Variants in GLIS3 observed in about 807,000 individuals in gnomAD.
The protein encoded by GLIS3 is zinc finger protein GLIS3.
Under a neutral mutation model 78.6 loss-of-function variants are expected in GLIS3, and 53 were observed. That is an observed-to-expected ratio of 0.67 (90% CI 0.54 to 0.85). The LOEUF is 0.85. GLIS3 is among the 40% of genes least tolerant of loss of function. GLIS3 has a pLI of 0.00. For synonymous variants in GLIS3, 684 were observed against 509.9 expected, an observed-to-expected ratio of 1.34 and a Z score of -4.60; for missense variants, 1,703 against 1,231.1, an observed-to-expected ratio of 1.38 and a Z score of -5.74.
chr9:4,375,335 G>A, the GLIS3 span, among the ~76,000 whole-genome samples: 3 of 152,176 alleles, frequency 2.0e-5, no homozygotes, highest in Non-Finnish European at 4.4e-5. Context: ...CTTTTTTCAG[G>A]TTGAGAGTGT....
At chr9:3,864,266 A>G (rs2130325527) in intron 8 of GLIS3, among the ~76,000 whole-genome samples, 1 of 152,362 alleles carries the variant, frequency 6.6e-6, no homozygotes, top group South Asian at 2.1e-4. Context: ...ATGGTGTCAG[A>G]CATAGCGTTC....
chr9:4,418,284 G>A, the GLIS3 span, among the ~76,000 whole-genome samples: 2,693 of 152,216 alleles, frequency 0.018, 87 homozygotes, highest in African/African-American at 0.062. Context: ...AAGAGACTGG[G>A]CTTTAACTAT....
At chr9:3,974,526 T>A (rs1387356126) in intron 4 of GLIS3, among the ~76,000 whole-genome samples, 1 of 152,188 alleles carries the variant, frequency 6.6e-6, no homozygotes, top group Non-Finnish European at 1.5e-5. Flanking sequence ...ACTATCCCAA[T>A]GACAGACATA....
intron 2 of GLIS3, among the ~76,000 whole-genome samples, chr9:4,275,070 A>C (rs1266049739): frequency 6.6e-6 from 1 of 152,220 alleles, no homozygotes. Flanking sequence ...CAGAAGTAGC[A>C]AATCTATTCA....
chr9:4,186,365 A>G (rs1276167021), intron 2 of GLIS3, among the ~76,000 whole-genome samples: 8 of 152,042 alleles, frequency 5.3e-5, no homozygotes, highest in South Asian at 4.2e-4. Flanking sequence ...TCCATGGTGT[A>G]TATGTGCCAC....
chr9:4,268,053 GCACA>G (rs376710564), intron 2 of GLIS3, among the ~76,000 whole-genome samples: 5 of 151,116 alleles, frequency 3.3e-5, no homozygotes, highest in Admixed American at 6.6e-5. Flanking sequence ...GCGTGCGTGC[GCACA>G]CACACACACA....
chr9:4,112,799 A>C (rs143372422), intron 4 of GLIS3, among the ~76,000 whole-genome samples: 2,435 of 152,334 alleles, frequency 0.016, 68 homozygotes, highest in African/African-American at 0.052. Context: ...AATAGGCAGT[A>C]AAGTATACCA....
At chr9:4,066,826 C>A (rs1045784717) in intron 4 of GLIS3, among the ~76,000 whole-genome samples, 5 of 152,328 alleles carry the variant, frequency 3.3e-5, no homozygotes, top group African/African-American at 1.2e-4. Flanking sequence ...TGCACTGCTG[C>A]AGCAGCATGT....
At chr9:4,339,553 A>G (rs954254409) in intron 2 of GLIS3, among the ~76,000 whole-genome samples, 1 of 151,114 alleles carries the variant, frequency 6.6e-6, no homozygotes, top group Non-Finnish European at 1.5e-5. Context: ...TGCTAACCGG[A>G]AAGAACCTCT....
At chr9:4,384,621 T>C in the GLIS3 span, among the ~76,000 whole-genome samples, 1 of 151,710 alleles carries the variant, frequency 6.6e-6, no homozygotes, top group South Asian at 2.1e-4. Flanking sequence ...ATTTCTTCCC[T>C]GGACAGCAAG....
intron 7 of GLIS3, among the ~76,000 whole-genome samples, chr9:3,894,697 A>G (rs1822699670): frequency 7.4e-6 from 1 of 134,540 alleles, no homozygotes; most frequent in African/African-American, 2.8e-5. Flanking sequence ...ACATTTCCCT[A>G]TATTATCTGA....
At chr9:4,340,976 C>T (rs1352956448) in intron 2 of GLIS3, among the ~76,000 whole-genome samples, 1 of 152,158 alleles carries the variant, frequency 6.6e-6, no homozygotes, top group African/African-American at 2.4e-5. Context: ...CGTGCCTGGC[C>T]TCACCTGATA....
chr9:3,875,855 T>C (rs186724581), intron 8 of GLIS3, among the ~76,000 whole-genome samples: 4 of 152,282 alleles, frequency 2.6e-5, no homozygotes, highest in Admixed American at 1.3e-4. Context: ...TCTCCCATCA[T>C]ATAAAGTACC....
chr9:4,092,336 T>C (rs1829589160), intron 4 of GLIS3, among the ~76,000 whole-genome samples: 1 of 151,842 alleles, frequency 6.6e-6, no homozygotes, highest in South Asian at 2.1e-4. Flanking sequence ...GTATTTTTAG[T>C]AGAGACAGGG....
chr9:3,902,402 C>T (rs987942709), intron 6 of GLIS3, among the ~76,000 whole-genome samples: 4 of 152,156 alleles, frequency 2.6e-5, no homozygotes, highest in African/African-American at 7.2e-5. Flanking sequence ...GCAGGAGGCA[C>T]ATAGCAGAAT....
the GLIS3 span, among the ~76,000 whole-genome samples, chr9:4,392,462 G>A: frequency 7.9e-5 from 12 of 152,282 alleles, no homozygotes; most frequent in African/African-American, 2.9e-4. Context: ...GGATGCACTA[G>A]TCTAGGTAGA....
At chr9:4,441,903 C>G in the GLIS3 span, among the ~76,000 whole-genome samples, 28,046 of 152,202 alleles carry the variant, frequency 0.18, 2,977 homozygotes, top group Middle Eastern at 0.29. Context: ...CCCACCGCAC[C>G]TGGCCATCTT....
At chr9:4,080,825 G>T (rs926101758) in intron 4 of GLIS3, among the ~76,000 whole-genome samples, 1 of 152,160 alleles carries the variant, frequency 6.6e-6, no homozygotes, top group African/African-American at 2.4e-5. Flanking sequence ...AGGCTCTTCA[G>T]TGGCAATACC....
chr9:3,884,443 T>A (rs1192407163), intron 7 of GLIS3, among the ~76,000 whole-genome samples: 2 of 152,150 alleles, frequency 1.3e-5, no homozygotes, highest in Non-Finnish European at 2.9e-5. Context: ...TTTAAAACTA[T>A]GTGAGCAGCA....
Sources: gnomAD v4.1 joint callset for allele counts (sites outside exome capture counted in the v4.1 genomes callset) on GRCh38, gnomAD v4.1.1 for gene constraint, MANE v1.5 for transcripts, NCBI Gene and HGNC (gene_info 2026-07-23, HGNC 2026-07-21) for gene names.